The following SPATA13 variants were observed in gnomAD, a reference collection of about 807,000 sequenced individuals.
SPATA13 encodes spermatogenesis-associated protein 13.
SPATA13 carries 50 observed loss-of-function variants against 104.0 expected under a neutral mutation model. That is an observed-to-expected ratio of 0.48 (90% CI 0.38 to 0.61). SPATA13 has a LOEUF of 0.61. SPATA13 is among the 20% of genes least tolerant of loss of function. SPATA13 has a pLI of 0.00. For missense variants in SPATA13, 1,524 were observed against 1,690.6 expected (o/e 0.90, Z 1.73); for synonymous variants, 606 against 667.5 (o/e 0.91, Z 1.42).
At position 24,161,077 on chromosome 13, in the gene SPATA13, G is replaced by A. The variant is rs1882458633; in HGVS notation, c.-112+145G>A. The A allele has an allele frequency of 4.8e-6, 2 of 416,564 alleles. No homozygotes were observed. Among genetic ancestry groups the A allele is most frequent in the South Asian group, 9.8e-5 (1 of 10,242 alleles). 25.8% of individuals were successfully genotyped at this position (416,564 alleles called of 1,614,324 possible). ...CAGCTGCTTGGCCTCTGCTTCCCCCGCCGGTGGAGGCTACCGGGTGCTCAC... is the reference window on the plus strand; with the variant it reads ...CAGCTGCTTGGCCTCTGCTTCCCCCACCGGTGGAGGCTACCGGGTGCTCAC... On this transcript the variant is annotated intron_variant, in intron 1 of 12. Transcript: ENST00000382108. This position sits in a 1 kb window ranked among gnomAD's most constrained non-coding sequence, Gnocchi z 4.5.
chr13:24,043,196 C>T (rs775682781), intron 3 of SPATA13, among the ~76,000 whole-genome samples: 4 of 152,208 alleles, frequency 2.6e-5, no homozygotes, highest in Non-Finnish European at 5.9e-5. Flanking sequence ...GTTTATCACT[C>T]CTCTCCCTTA....
intron 3 of SPATA13, among the ~76,000 whole-genome samples, chr13:24,118,938 T>C (rs1177451839): frequency 6.7e-6 from 1 of 150,104 alleles, no homozygotes; most frequent in Non-Finnish European, 1.5e-5. Flanking sequence ...TGGAGTCTTG[T>C]TCTGTTGCCC....
In SPATA13 at chr13:24,217,125, G is replaced by A. The variant is rs1482858920; in HGVS notation, c.-111-5694G>A. 1.1e-4 allele frequency among the ~76,000 whole-genome samples: 17 copies of A among 152,152 alleles called. 1 individual carries two copies. Among genetic ancestry groups the A allele is most frequent in the Admixed American group, 1.1e-3 (17 of 15,278 alleles). On this transcript the variant is annotated intron_variant, in intron 1 of 12. Coordinates refer to ENST00000382108, the MANE Select transcript of SPATA13 (RefSeq NM_001166271.3). ...AATTTCAGTGGTTTTAACTGGCCAT[G>A]GTATGTACCTGTTATCCCAGCTACT...
At chr13:24,182,089 G>A (rs934953275) in intron 1 of SPATA13, among the ~76,000 whole-genome samples, 3 of 152,182 alleles carry the variant, frequency 2.0e-5, no homozygotes, top group African/African-American at 4.8e-5. Flanking sequence ...ACTCTTGTTT[G>A]GGGTATTTGT....
intron 4 of SPATA13, among the ~76,000 whole-genome samples, chr13:24,265,815 G>A (rs1874273198): frequency 6.6e-6 from 1 of 152,262 alleles, no homozygotes; most frequent in Middle Eastern, 3.4e-3. Context: ...GGGACATAAA[G>A]TTCCAAGGAT....
chr13:23,980,357 G>T (rs1874826051), intron 1 of SPATA13, among the ~76,000 whole-genome samples: 1 of 152,210 alleles, frequency 6.6e-6, no homozygotes, highest in Admixed American at 6.5e-5. Flanking sequence ...CGGAGGAGCC[G>T]CGGGGGAGGC....
In SPATA13 at chr13:24,054,010, G is replaced by A. The variant is rs551898580; in HGVS notation, c.-112+36309G>A. The stretch of plus-strand genomic sequence containing the variant: ...GCTGCCTCTGTGTCGTTGGGGTGAC[G>A]GAGGCTCCTGGACAGCTCTGCCCTG... On this transcript the variant is annotated intron_variant, in intron 3 of 14. Coordinates refer to the SPATA13 transcript ENST00000424834. 2.0e-5 allele frequency among the ~76,000 whole-genome samples: 3 copies of A among 152,270 alleles called. No individual in the cohort carries two copies. In the South Asian group the frequency reaches 6.2e-4, roughly 32 times the overall value.
At position 24,224,490 on chromosome 13, in the gene SPATA13, C is replaced by T. The variant is rs1871817025; in HGVS notation, c.1561C>T (p.Pro521Ser). ...REPGPVSLQDPLEATHGDEGS... is the reference protein window; with the variant it reads ...REPGPVSLQDSLEATHGDEGS... Reference sequence around the variant, plus strand: ...GCCAGGGCCTGTGTCCTTGCAGGATCCCCTGGAAGCCACACATGGTGATGA... The same window carrying T: ...GCCAGGGCCTGTGTCCTTGCAGGATTCCCTGGAAGCCACACATGGTGATGA... The change falls in exon 2 of 13, where the codon CCC becomes TCC. Residue 521 changes from proline (P) to serine (S), a missense_variant. This residue lies in a region of SPATA13 where 1,089 missense variants were observed against 1,135.9 expected (regional missense o/e 0.96). Coordinates refer to ENST00000382108, the MANE Select transcript of SPATA13 (RefSeq NM_001166271.3). The T allele has an allele frequency of 3.2e-6, 5 of 1,550,474 alleles. No homozygotes were observed. The highest frequency in any genetic ancestry group is 4.4e-6 in the Non-Finnish European group (5 of 1,146,998).
intron 1 of SPATA13, among the ~76,000 whole-genome samples, chr13:24,212,416 C>G (rs1377506842): frequency 6.6e-6 from 1 of 152,118 alleles, no homozygotes; most frequent in Non-Finnish European, 1.5e-5. Flanking sequence ...GGTAGCTTTG[C>G]CTGCGTTCCT....
chr13:24,163,659 C>T (rs1383143624), intron 1 of SPATA13, among the ~76,000 whole-genome samples: 1 of 152,140 alleles, frequency 6.6e-6, no homozygotes, highest in Non-Finnish European at 1.5e-5. Flanking sequence ...AGAGCATGCA[C>T]CTTGATAGCT....
At chr13:24,113,246 G>T (rs996188580) in intron 3 of SPATA13, among the ~76,000 whole-genome samples, 1 of 152,228 alleles carries the variant, frequency 6.6e-6, no homozygotes, top group Admixed American at 6.5e-5. Context: ...CTAGGCAAAA[G>T]TTACTTTGGT....
intron 1 of SPATA13, among the ~76,000 whole-genome samples, chr13:24,200,939 C>T (rs1404322198): frequency 1.3e-5 from 2 of 150,008 alleles, no homozygotes; most frequent in Non-Finnish European, 3.0e-5. Context: ...TGTCTGATTA[C>T]GTCCTTGTTC....
chr13:24,296,023 T>C (rs774136443), intron 10 of SPATA13, among the ~76,000 whole-genome samples: 1 of 152,198 alleles, frequency 6.6e-6, no homozygotes, highest in Non-Finnish European at 1.5e-5. Flanking sequence ...ATTCAGATTG[T>C]TTTTAGACCA....
chr13:24,233,897 A>G (rs1392734221), intron 2 of SPATA13, among the ~76,000 whole-genome samples: 3 of 136,140 alleles, frequency 2.2e-5, no homozygotes, highest in African/African-American at 1.0e-4. Context: ...ACACACACAC[A>G]CACACACACA....
At chr13:24,293,046 CTTACAATTAGA>C (rs938308314) in intron 9 of SPATA13, among the ~76,000 whole-genome samples, 4 of 133,146 alleles carry the variant, frequency 3.0e-5, no homozygotes, top group Admixed American at 8.0e-5. Flanking sequence ...GGAGAGCCTT[CTTACAATTAGA>C]TTGGAAAGTA....
chr13:24,169,394 C>T (rs1882873378), intron 1 of SPATA13, among the ~76,000 whole-genome samples: 1 of 152,156 alleles, frequency 6.6e-6, no homozygotes, highest in Non-Finnish European at 1.5e-5. Flanking sequence ...GCAGCTTCTT[C>T]CGACCATTTT....
intron 4 of SPATA13, chr13:24,254,373 G>C (rs770889083): frequency 6.6e-6 from 1 of 152,244 alleles, no homozygotes; most frequent in Non-Finnish European, 1.5e-5. Flanking sequence ...CTGTGGGCCA[G>C]CCTCTCCAAA....
chr13:24,290,181 G>T (rs1876238042), intron 8 of SPATA13, among the ~76,000 whole-genome samples: 1 of 152,228 alleles, frequency 6.6e-6, no homozygotes, highest in Non-Finnish European at 1.5e-5. Context: ...CCCAGCCAGG[G>T]TGACGGCAGA....
At chr13:24,062,834 T>C (rs1878820143) in intron 3 of SPATA13, among the ~76,000 whole-genome samples, 1 of 152,144 alleles carries the variant, frequency 6.6e-6, no homozygotes, top group East Asian at 1.9e-4. Context: ...ATTTCCAAAC[T>C]TCAATTTGGA....
Sources: gnomAD v4.1 joint callset for allele counts (sites outside exome capture counted in the v4.1 genomes callset) on GRCh38, gnomAD v4.1.1 for gene constraint, gnomAD v4.1.1 regional missense constraint, Gnocchi (gnomAD v3.1) non-coding constraint, MANE v1.5 for transcripts, NCBI Gene and HGNC (gene_info 2026-07-23, HGNC 2026-07-21) for gene names.